Variants in AHCYL2 observed in about 807,000 individuals in gnomAD.
AHCYL2 encodes adenosylhomocysteinase like 2.
AHCYL2 carries 28 observed loss-of-function variants against 81.4 expected under a neutral mutation model. The observed-to-expected ratio is 0.34, with a 90% CI of 0.25 to 0.47. The LOEUF (loss-of-function observed/expected upper bound fraction) is 0.47. Ranked by LOEUF, AHCYL2 falls within the 20% of genes least tolerant of loss-of-function variation. The probability of loss-of-function intolerance (pLI) is 1.00; values close to 1 mark genes in which losing one functional copy is unlikely to be tolerated. For missense variants in AHCYL2, 551 were observed against 785.1 expected (o/e 0.70, Z 3.56); for synonymous variants, 272 against 290.2 (o/e 0.94, Z 0.64).
intron 1 of AHCYL2, among the ~76,000 whole-genome samples, chr7:129,263,697 T>A (rs977593896): frequency 2.0e-5 from 3 of 152,234 alleles, no homozygotes; most frequent in African/African-American, 7.2e-5. Context: ...GAGAGTGTCA[T>A]GATCAGATGT....
At chr7:129,241,897 T>G (rs563431109) in intron 1 of AHCYL2, among the ~76,000 whole-genome samples, 1 of 152,142 alleles carries the variant, frequency 6.6e-6, no homozygotes, top group South Asian at 2.1e-4. Context: ...AAAAGAACTC[T>G]GTGTATTCCT....
intron 1 of AHCYL2, among the ~76,000 whole-genome samples, chr7:129,298,769 G>T (rs1797141231): frequency 6.6e-6 from 1 of 152,086 alleles, no homozygotes; most frequent in African/African-American, 2.4e-5. Flanking sequence ...TTTAAGCTTT[G>T]TTATTTATAA....
rs1415802061 is a variant in AHCYL2 at position 129,382,011 on chromosome 7, C to T, written c.475+2262C>T. Among the ~76,000 whole-genome samples the T allele has an allele frequency of 2.0e-5, 3 of 152,104 alleles. No individual in the cohort carries two copies. In the East Asian group the frequency reaches 5.8e-4, roughly 29 times the overall value. On this transcript the variant is annotated intron_variant, in intron 2 of 16. Coordinates refer to ENST00000325006, the MANE Select transcript of AHCYL2 (RefSeq NM_015328.4). ...TGGTTGTCAAGCCCTTTTAAACAGA[C>T]TCTGACTAGAAATGCCTACTATCCT... is the stretch of plus-strand genomic sequence containing the variant.
At chr7:129,242,543 C>T (rs1168703681) in intron 1 of AHCYL2, among the ~76,000 whole-genome samples, 1 of 151,958 alleles carries the variant, frequency 6.6e-6, no homozygotes, top group Non-Finnish European at 1.5e-5. Context: ...TAGTGAAACC[C>T]CGTCTCTACT....
chr7:129,279,820 G>A (rs1796366192), intron 1 of AHCYL2, among the ~76,000 whole-genome samples: 1 of 152,178 alleles, frequency 6.6e-6, no homozygotes, highest in South Asian at 2.1e-4. Context: ...TTTGTAAACT[G>A]TCACGGCACT....
At chr7:129,327,170 T>G (rs1411422436) in intron 1 of AHCYL2, among the ~76,000 whole-genome samples, 2 of 152,112 alleles carry the variant, frequency 1.3e-5, no homozygotes, top group Non-Finnish European at 1.5e-5. Context: ...TGGGAGGTAG[T>G]TAGGTTTAAA....
chr7:129,318,738 A>T (rs1474290684), intron 1 of AHCYL2, among the ~76,000 whole-genome samples: 1 of 152,150 alleles, frequency 6.6e-6, no homozygotes, highest in Non-Finnish European at 1.5e-5. Context: ...ATAATTGTGT[A>T]TAGTATAGTG....
intron 1 of AHCYL2, among the ~76,000 whole-genome samples, chr7:129,329,227 T>A (rs1360152334): frequency 6.6e-6 from 1 of 152,224 alleles, no homozygotes; most frequent in African/African-American, 2.4e-5. Context: ...TTGCTCGGGC[T>A]GGAGTACAGT....
intron 1 of AHCYL2, among the ~76,000 whole-genome samples, chr7:129,317,846 G>A (rs565014209): frequency 4.6e-5 from 7 of 152,182 alleles, no homozygotes; most frequent in African/African-American, 1.4e-4. Context: ...ATTTACAATA[G>A]CATAATAAAT....
intron 1 of AHCYL2, among the ~76,000 whole-genome samples, chr7:129,234,553 CTT>C (rs1291415707): frequency 6.6e-6 from 1 of 152,060 alleles, no homozygotes; most frequent in African/African-American, 2.4e-5. Flanking sequence ...GATGGGGTCT[CTT>C]GCTATGTTGC....
At chr7:129,318,690 G>A (rs1259414775) in intron 1 of AHCYL2, among the ~76,000 whole-genome samples, 1 of 151,920 alleles carries the variant, frequency 6.6e-6, no homozygotes, top group African/African-American at 2.4e-5. Context: ...TGTGGTCCTA[G>A]TAAAGTACTA....
At chr7:129,234,512 G>A (rs1584686789) in intron 1 of AHCYL2, among the ~76,000 whole-genome samples, 3 of 152,152 alleles carry the variant, frequency 2.0e-5, no homozygotes, top group Admixed American at 2.0e-4. Flanking sequence ...CAAAGTGCTG[G>A]GATTACAGGC....
chr7:129,408,346 A>AG (rs1438545107), intron 10 of AHCYL2, among the ~76,000 whole-genome samples: 1 of 152,212 alleles, frequency 6.6e-6, no homozygotes, highest in African/African-American at 2.4e-5. Flanking sequence ...ATTAGAGAAG[A>AG]GTAGAGAGAT....
At chr7:129,259,126 A>G (rs1795529538) in intron 1 of AHCYL2, among the ~76,000 whole-genome samples, 1 of 152,082 alleles carries the variant, frequency 6.6e-6, no homozygotes, top group Non-Finnish European at 1.5e-5. Flanking sequence ...CTTTAATAAC[A>G]TTACCTTTTT....
At chr7:129,343,367 A>G (rs1254809180) in intron 1 of AHCYL2, among the ~76,000 whole-genome samples, 1 of 152,136 alleles carries the variant, frequency 6.6e-6, no homozygotes, top group Non-Finnish European at 1.5e-5. Context: ...CTGCATTATA[A>G]TAGGAATTAA....
intron 1 of AHCYL2, among the ~76,000 whole-genome samples, chr7:129,291,862 C>T (rs367918195): frequency 2.6e-5 from 4 of 152,076 alleles, no homozygotes; most frequent in African/African-American, 9.7e-5. Flanking sequence ...GCCTCAGCCT[C>T]CCAAAGTGCT....
rs1451998881 is a variant in AHCYL2 at position 129,279,018 on chromosome 7, C to A, written c.363+53579C>A. Among the ~76,000 whole-genome samples the A allele has an allele frequency of 2.6e-5, 4 of 152,022 alleles. No individual in the cohort carries two copies. In the East Asian group the frequency reaches 7.7e-4, roughly 29 times the overall value. ...GAGGTAGTCCTCCAGCTTTGTATTTCTTTTTCAAAGTTGTTTTGACTCTTC... is the reference window on the plus strand; with the variant it reads ...GAGGTAGTCCTCCAGCTTTGTATTTATTTTTCAAAGTTGTTTTGACTCTTC... On this transcript the variant is annotated intron_variant, in intron 1 of 16. Transcript: ENST00000325006.
chr7:129,331,868 A>AAT lies in AHCYL2; in HGVS notation c.364-47756_364-47755dup, dbSNP rs564146068. ...AAAAAAAATTTTAATTTAATTAAAA[A>AAT]ATATATATATATATAATTTAATCCT... is the stretch of plus-strand genomic sequence containing the variant. On this transcript the variant is annotated intron_variant, in intron 1 of 16. Transcript: ENST00000325006. Among the ~76,000 whole-genome samples, 334 of 150,222 alleles carry AAT rather than the reference A, an allele frequency of 2.2e-3. 4 individuals carry two copies. Among genetic ancestry groups the AAT allele is most frequent in the Middle Eastern group, 3.5e-3 (1 of 288 alleles).
rs538221864 is a variant in AHCYL2 at position 129,321,006 on chromosome 7, A to C, written c.364-58632A>C. Among the ~76,000 whole-genome samples the C allele has an allele frequency of 8.8e-4, 134 of 152,358 alleles. 1 individual carries two copies. Among genetic ancestry groups the C allele is most frequent in the Non-Finnish European group, 1.3e-3 (89 of 68,032 alleles). On this transcript the variant is annotated intron_variant, in intron 1 of 16. Transcript: ENST00000325006. ...CAGTCATCAGTTGATGCACATTTGT[A>C]AAACACAATGTCTGTATCTTAACCT...
Sources: allele counts gnomAD v4.1 joint callset (sites outside exome capture counted in the v4.1 genomes callset), GRCh38; gene constraint gnomAD v4.1.1; transcripts MANE v1.5; gene names NCBI Gene and HGNC (gene_info 2026-07-23, HGNC 2026-07-21).